Variants in SDR9C7 observed in about 807,000 individuals in gnomAD.
The protein encoded by SDR9C7 is short-chain dehydrogenase/reductase family 9C member 7.
A neutral mutation model predicts 23.6 loss-of-function variants in SDR9C7; 11 were observed. The ratio of observed to expected loss-of-function variants is 0.47; its 90% confidence interval spans 0.29 to 0.77. The LOEUF (loss-of-function observed/expected upper bound fraction) is 0.77, where lower values mean the gene tolerates loss of function less well. SDR9C7 is among the 30% of genes least tolerant of loss of function. The pLI, the probability that SDR9C7 is intolerant of heterozygous loss-of-function variation, is 0.09. For synonymous variants in SDR9C7, 167 were observed against 157.3 expected, an observed-to-expected ratio of 1.06 and a Z score of -0.46; for missense variants, 387 against 407.1, an observed-to-expected ratio of 0.95 and a Z score of 0.42.
chr12:56,931,752 C>A (rs1238538171), intron 1 of SDR9C7, among the ~76,000 whole-genome samples: 2 of 152,140 alleles, frequency 1.3e-5, no homozygotes, highest in African/African-American at 4.8e-5. Flanking sequence ...CTTCCAGCTC[C>A]TTCATGCAAG....
intron 1 of SDR9C7, among the ~76,000 whole-genome samples, chr12:56,933,343 G>A (rs1199931942): frequency 6.6e-6 from 1 of 152,120 alleles, no homozygotes; most frequent in Admixed American, 6.6e-5. Context: ...AAACATCAGA[G>A]AGGCACATCC....
At chr12:56,932,859 TG>T (rs139878371) in intron 1 of SDR9C7, among the ~76,000 whole-genome samples, 3,505 of 152,292 alleles carry the variant, frequency 0.023, 153 homozygotes, top group African/African-American at 0.081. Context: ...TAGTGATAAG[TG>T]CTAAGGAGAA....
chr12:56,933,227 C>T (rs1955778154), intron 1 of SDR9C7, among the ~76,000 whole-genome samples: 1 of 152,268 alleles, frequency 6.6e-6, no homozygotes, highest in South Asian at 2.1e-4. Flanking sequence ...AGACAAACTG[C>T]ACCCACTCAT....
Position 56,934,296 on chromosome 12 carries a change from G to A in SDR9C7, c.-35C>T. The A allele has an allele frequency of 1.3e-6, 2 of 1,573,500 alleles. No individual in the cohort carries two copies. Among genetic ancestry groups the A allele is most frequent in the Non-Finnish European group, 1.7e-6 (2 of 1,153,610 alleles). ...GGAATGTGATGGCCAAGAGGGACTG[G>A]GCTCAGGAGACAGCAGGGAAGAAGC... On this transcript the variant is annotated 5_prime_UTR_variant, in exon 1 of 4. Transcript: ENST00000293502.
At chr12:56,930,068 C>T (rs1473254804) in intron 2 of SDR9C7, among the ~76,000 whole-genome samples, 158 bp downstream of exon 2, 1 of 152,214 alleles carries the variant, frequency 6.6e-6, no homozygotes, top group Non-Finnish European at 1.5e-5. Context: ...CATCCCTGCT[C>T]TTGGTCCTTG....
intron 3 of SDR9C7, among the ~76,000 whole-genome samples, chr12:56,928,201 A>AC (rs1232256142): frequency 6.6e-6 from 1 of 152,012 alleles, no homozygotes; most frequent in Non-Finnish European, 1.5e-5. Context: ...TATTCCGTAT[A>AC]CCCCAGCTAC....
chr12:56,929,034 T>C (rs1955750619), intron 3 of SDR9C7, among the ~76,000 whole-genome samples: 1 of 152,186 alleles, frequency 6.6e-6, no homozygotes, highest in African/African-American at 2.4e-5. Context: ...CAAAGTCTCC[T>C]AGCTGGTAAG....
rs1367152787 is a variant in SDR9C7, at chr12:56,933,962, T to C, written c.300A>G (p.Gln100=). Residue 100 remains glutamine, a splice_region_variant and synonymous_variant, in exon 1 of 4, where the codon CAA becomes CAG. Transcript: ENST00000293502. Reference sequence around the variant, plus strand: ...GCCAAAGAATGTAATTCGCCCCACCTTGTTCGCCCACTTTGTCCCTCACCC... The same window carrying C: ...GCCAAAGAATGTAATTCGCCCCACCCTGTTCGCCCACTTTGTCCCTCACCC... The part of the protein sequence containing the change: ...AQWVRDKVGE[Q]GLWALVNNAG... 5.0e-6 allele frequency: 8 copies of C among 1,603,930 alleles called. No individual in the cohort carries two copies. The highest frequency in any genetic ancestry group is 6.0e-6 in the Non-Finnish European group (7 of 1,172,150).
At chr12:56,926,433 C>T (rs967610797) in intron 3 of SDR9C7, among the ~76,000 whole-genome samples, 2 of 152,208 alleles carry the variant, frequency 1.3e-5, no homozygotes, top group African/African-American at 4.8e-5. Context: ...ACAAGGCTCT[C>T]TAATGCCTTT....
chr12:56,928,676 T>A (rs1008880835), intron 3 of SDR9C7, among the ~76,000 whole-genome samples: 1 of 152,102 alleles, frequency 6.6e-6, no homozygotes, highest in Non-Finnish European at 1.5e-5. Context: ...GTGAAAAAAA[T>A]GGCTGACTTG....
In SDR9C7 at chr12:56,923,201, G is replaced by C. The variant is rs556045847; in HGVS notation, c.*632C>G. On this transcript the variant is annotated 3_prime_UTR_variant, in exon 4 of 4. Transcript: ENST00000293502. Reference sequence around the variant, plus strand: ...TCCCCCAGCACCTACAAAGTGCCCGGTAGGTAGTAGGCACTCAATAAATAT... The same window carrying C: ...TCCCCCAGCACCTACAAAGTGCCCGCTAGGTAGTAGGCACTCAATAAATAT... 4 of 152,266 alleles carry C rather than the reference G, an allele frequency of 2.6e-5. No individual in the cohort carries two copies. The South Asian group carries it at 8.3e-4, about 32-fold the overall frequency. 9.4% of individuals were successfully genotyped at this position (152,266 alleles called of 1,614,324 possible).
chr12:56,926,336 T>G (rs1955733574), intron 3 of SDR9C7, among the ~76,000 whole-genome samples: 1 of 152,204 alleles, frequency 6.6e-6, no homozygotes, highest in Admixed American at 6.5e-5. Flanking sequence ...TATCGTTCCT[T>G]CACTGGGTTT....
chr12:56,923,598 A>C lies in SDR9C7; in HGVS notation c.*235T>G. On this transcript the variant is annotated 3_prime_UTR_variant, in exon 4 of 4. Coordinates refer to ENST00000293502, the MANE Select transcript of SDR9C7 (RefSeq NM_148897.3). ...CAGACGTCCTTGGAGCTATTGCTGC[A>C]GATCGCTGAACCTGCAAAGACCACC... 2.4e-6 allele frequency: 1 copy of C among 408,370 alleles called. No homozygotes were observed. Among genetic ancestry groups the C allele is most frequent in the Non-Finnish European group, 4.4e-6 (1 of 229,266 alleles). 25.3% of individuals were successfully genotyped at this position (408,370 alleles called of 1,614,324 possible). A position where few individuals can be genotyped will look rare whatever the true frequency, so the allele number is the denominator to read the frequency against.
chr12:56,930,276 AC>A lies in SDR9C7; in HGVS notation c.509del (p.Gly170ValfsTer17). On this transcript the variant is annotated frameshift_variant, in exon 2 of 4. Transcript: ENST00000293502. LOFTEE classifies it high-confidence loss of function. ...SSGGRVAVIG[G>X]GYCVSKFGVE... ...CGCCAAACTTGGAGACGCAGTAGCC[AC>A]CACCAATGACAGCCACACGACCACC... 1.9e-6 allele frequency: 3 copies of A among 1,614,140 alleles called. No homozygotes were observed. The highest frequency in any genetic ancestry group is 2.5e-6 in the Non-Finnish European group (3 of 1,180,022).
intron 1 of SDR9C7, among the ~76,000 whole-genome samples, chr12:56,933,546 G>C (rs1955780069): frequency 6.6e-6 from 1 of 152,104 alleles, no homozygotes; most frequent in African/African-American, 2.4e-5. Flanking sequence ...TTTTAGTAGA[G>C]ATGGGGTTTC....
In SDR9C7 at chr12:56,929,318, C is replaced by T. The variant is rs540489020; in HGVS notation, c.724+72G>A. 87 of 1,482,404 alleles carry T rather than the reference C, an allele frequency of 5.9e-5. 1 individual carries two copies. In the Middle Eastern group the frequency reaches 6.2e-4, roughly 10 times the overall value. The allele number at this position is 1,482,404 out of a possible 1,614,324, so 91.8% of individuals were successfully genotyped here. ...TGCATTTTGTCTCACCATCTGTAAA[C>T]GGAAAGCCAGCTAATGACCCCAAGA... is the stretch of plus-strand genomic sequence containing the variant. On this transcript the variant is annotated intron_variant, in intron 3 of 3. Coordinates refer to ENST00000293502, the MANE Select transcript of SDR9C7 (RefSeq NM_148897.3).
Position 56,923,863 on chromosome 12 carries a change from C to T in SDR9C7, c.912G>A (p.Arg304=). The part of the protein sequence containing the change: ...PTPVTDFILS[R]YLPRPADSV ...CACTGTCCGCTGGCCTTGGAAGGTA[C>T]CGGCTTAGGATGAAATCTGTCACAG... Residue 304 remains arginine, a synonymous_variant, in exon 4 of 4, where the codon CGG becomes CGA. Coordinates refer to ENST00000293502, the MANE Select transcript of SDR9C7 (RefSeq NM_148897.3). 2 of 1,612,872 alleles carry T rather than the reference C, an allele frequency of 1.2e-6. No individual in the cohort carries two copies. The highest frequency in any genetic ancestry group is 1.7e-6 in the Non-Finnish European group (2 of 1,179,242).
At position 56,924,453 on chromosome 12, in the gene SDR9C7, T is replaced by TAAAC. The variant is rs562389536; in HGVS notation, c.725-407_725-404dup. Among the ~76,000 whole-genome samples, 26 of 151,964 alleles carry TAAAC rather than the reference T, an allele frequency of 1.7e-4. No individual in the cohort carries two copies. In the East Asian group the frequency reaches 3.1e-3, roughly 18 times the overall value. On this transcript the variant is annotated intron_variant, in intron 3 of 3. Transcript: ENST00000293502. ...CAAAATAAATAAATAAATAAATAAA[T>TAAAC]AAACAAATAGTCTTATTTATCTTTC... is the stretch of plus-strand genomic sequence containing the variant.
At chr12:56,931,804 C>T (rs966794794) in intron 1 of SDR9C7, among the ~76,000 whole-genome samples, 1 of 152,072 alleles carries the variant, frequency 6.6e-6, no homozygotes, top group Non-Finnish European at 1.5e-5. Context: ...CACCACAGCC[C>T]CAGCCTCAGC....
Sources: gnomAD v4.1 joint callset for allele counts (sites outside exome capture counted in the v4.1 genomes callset) on GRCh38, gnomAD v4.1.1 for gene constraint, MANE v1.5 for transcripts, NCBI Gene and HGNC (gene_info 2026-07-23, HGNC 2026-07-21) for gene names.